The following AKAP6 variants were observed in gnomAD, a reference collection of about 807,000 sequenced individuals.
AKAP6 encodes the protein A-kinase anchor protein 6.
In AKAP6, 58 loss-of-function variants were observed where a neutral mutation model predicts 188.5. The observed-to-expected ratio is 0.31, with a 90% CI of 0.25 to 0.38. The LOEUF (loss-of-function observed/expected upper bound fraction) is 0.38, where lower values mean the gene tolerates loss of function less well. AKAP6 is among the 10% of genes least tolerant of loss of function. The probability of loss-of-function intolerance (pLI) is 1.00; values close to 1 mark genes in which losing one functional copy is unlikely to be tolerated. For missense variants in AKAP6, 2,710 were observed against 2,740.0 expected (o/e 0.99, Z 0.24); for synonymous variants, 989 against 998.6 (o/e 0.99, Z 0.18).
intron 8 of AKAP6, among the ~76,000 whole-genome samples, chr14:32,687,454 C>CT (rs1261987239): frequency 1.3e-3 from 175 of 132,870 alleles, no homozygotes; most frequent in African/African-American, 2.7e-3. Flanking sequence ...CTCTCTTTCT[C>CT]TTTTTTTTTT....
chr14:32,743,248 A>G (rs2031756045), intron 11 of AKAP6, among the ~76,000 whole-genome samples: 1 of 151,930 alleles, frequency 6.6e-6, no homozygotes, highest in African/African-American at 2.4e-5. Context: ...CTTTCAGTCT[A>G]TGTGTATCTT....
At chr14:32,593,063 G>C (rs1566594188) in intron 5 of AKAP6, among the ~76,000 whole-genome samples, 9 of 95,724 alleles carry the variant, frequency 9.4e-5, no homozygotes, top group African/African-American at 1.2e-4. Context: ...CACACACACA[G>C]CTGTGAGCTC....
rs139272149 is a variant in AKAP6, at chr14:32,745,085, C to T, written c.3372+9203C>T. Among the ~76,000 whole-genome samples, 557 of 152,256 alleles carry T rather than the reference C, an allele frequency of 3.7e-3. 7 individuals carry two copies. Among genetic ancestry groups the T allele is most frequent in the African/African-American group, 0.012 (517 of 41,542 alleles). On this transcript the variant is annotated intron_variant, in intron 11 of 13. Transcript: ENST00000280979. ...TCTGAAAGGTCACATATCTCTGTTT[C>T]TCCTGGACTGGTCTCTTGTGCCTTA...
intron 7 of AKAP6, among the ~76,000 whole-genome samples, chr14:32,644,356 G>C (rs184695573): frequency 2.6e-4 from 39 of 152,238 alleles, no homozygotes; most frequent in African/African-American, 8.9e-4. Context: ...TCTCTACCAA[G>C]TGTATCTAGG....
chr14:32,824,371 A>C lies in AKAP6; in HGVS notation c.6558A>C (p.Ala2186=), dbSNP rs2034621139. Residue 2186 remains alanine, a synonymous_variant, in exon 13 of 14, where the codon GCA becomes GCC. Coordinates refer to ENST00000280979, the MANE Select transcript of AKAP6 (RefSeq NM_004274.5). The stretch of plus-strand genomic sequence containing the variant: ...AATCTGCAGTTCCCAGCGAAGCTGC[A>C]ATGCCACTACAAGCAACAGCATGTT... ...PNESAVPSEA[A]MPLQATACSS... is the part of the protein sequence containing the mutation. The C allele has an allele frequency of 1.1e-5, 17 of 1,613,914 alleles. No individual in the cohort carries two copies. Among genetic ancestry groups the C allele is most frequent in the Non-Finnish European group, 1.4e-5 (17 of 1,179,956 alleles).
At chr14:32,437,017 C>G (rs1566501826) in intron 2 of AKAP6, among the ~76,000 whole-genome samples, 1 of 152,192 alleles carries the variant, frequency 6.6e-6, no homozygotes, top group East Asian at 1.9e-4. Flanking sequence ...TTTCCTGTGA[C>G]TCTGCTCTTG....
intron 9 of AKAP6, among the ~76,000 whole-genome samples, chr14:32,725,481 T>C (rs2030825316): frequency 6.6e-6 from 1 of 152,232 alleles, no homozygotes; most frequent in Admixed American, 6.5e-5. Context: ...CTATCCTCCT[T>C]CATGTTGAGA....
At chr14:32,736,568 C>G (rs2031436601) in intron 11 of AKAP6, among the ~76,000 whole-genome samples, 1 of 152,104 alleles carries the variant, frequency 6.6e-6, no homozygotes, top group Non-Finnish European at 1.5e-5. Flanking sequence ...TCCATAAATG[C>G]AGTCATTATT....
At chr14:32,645,237 A>C (rs1887936794) in intron 7 of AKAP6, among the ~76,000 whole-genome samples, 1 of 152,172 alleles carries the variant, frequency 6.6e-6, no homozygotes, top group Non-Finnish European at 1.5e-5. Flanking sequence ...AGGCAAAGCT[A>C]TTTCGTCCTA....
intron 2 of AKAP6, among the ~76,000 whole-genome samples, chr14:32,499,930 A>G: frequency 6.6e-6 from 1 of 152,050 alleles, no homozygotes. Context: ...GTACATATGT[A>G]CCTGATTAAA....
At chr14:32,736,201 G>A (rs1210808692) in intron 11 of AKAP6, among the ~76,000 whole-genome samples, 1 of 152,154 alleles carries the variant, frequency 6.6e-6, no homozygotes, top group Non-Finnish European at 1.5e-5. Flanking sequence ...TTGAAGGACA[G>A]ACCTAAATGT....
intron 9 of AKAP6, among the ~76,000 whole-genome samples, chr14:32,724,989 C>CAAAAA (rs1286933012): frequency 1.8e-4 from 1 of 5,504 alleles, no homozygotes; most frequent in Non-Finnish European, 4.5e-4. Context: ...TATATTCAAC[C>CAAAAA]TAAAAAAAAA....
At chr14:32,804,367 G>A (rs2034033408) in intron 12 of AKAP6, among the ~76,000 whole-genome samples, 1 of 152,158 alleles carries the variant, frequency 6.6e-6, no homozygotes, top group African/African-American at 2.4e-5. Flanking sequence ...TTTTACAGCT[G>A]GGCTGCTGGG....
intron 7 of AKAP6, among the ~76,000 whole-genome samples, chr14:32,611,155 G>A (rs745864727): frequency 1.3e-5 from 2 of 152,166 alleles, no homozygotes; most frequent in Non-Finnish European, 2.9e-5. Flanking sequence ...TGGAGCCTGA[G>A]GGAAGGGTTA....
chr14:32,790,592 T>C (rs565305573), intron 12 of AKAP6, among the ~76,000 whole-genome samples: 1 of 152,240 alleles, frequency 6.6e-6, no homozygotes, highest in Admixed American at 6.5e-5. Context: ...AAAATAATTT[T>C]CTTTTCTTAA....
At chr14:32,786,678 C>A (rs985408494) in intron 12 of AKAP6, among the ~76,000 whole-genome samples, 1 of 151,864 alleles carries the variant, frequency 6.6e-6, no homozygotes, top group South Asian at 2.1e-4. Context: ...GTTTTCTTAC[C>A]TCTCTAACTC....
At chr14:32,742,293 T>G (rs2031714854) in intron 11 of AKAP6, among the ~76,000 whole-genome samples, 1 of 151,784 alleles carries the variant, frequency 6.6e-6, no homozygotes, top group Admixed American at 6.6e-5. Flanking sequence ...GGTTTTTCAA[T>G]TTTGTTGAAC....
chr14:32,768,555 C>T (rs1259788779), intron 11 of AKAP6, among the ~76,000 whole-genome samples: 2 of 152,140 alleles, frequency 1.3e-5, no homozygotes, highest in East Asian at 3.9e-4. Flanking sequence ...TCACTCATTT[C>T]TTTTCAGTCA....
intron 7 of AKAP6, among the ~76,000 whole-genome samples, chr14:32,659,751 A>G (rs1474985315): frequency 2.6e-5 from 4 of 151,994 alleles, no homozygotes; most frequent in East Asian, 1.9e-4. Flanking sequence ...AATCTCCTCA[A>G]TAAGTATATA....
Sources: allele counts gnomAD v4.1 joint callset (sites outside exome capture counted in the v4.1 genomes callset), GRCh38; gene constraint gnomAD v4.1.1; transcripts MANE v1.5; gene names NCBI Gene and HGNC (gene_info 2026-07-23, HGNC 2026-07-21).